Variants in HHIP observed in about 807,000 individuals in gnomAD.
The protein encoded by HHIP is hedgehog interacting protein, also known as hedgehog-interacting protein.
HHIP carries 12 observed loss-of-function variants against 74.0 expected under a neutral mutation model. The observed-to-expected ratio is 0.16, with a 90% CI of 0.10 to 0.26. The LOEUF (loss-of-function observed/expected upper bound fraction) is 0.26. Among genes scored for constraint, HHIP ranks in the 10% least tolerant of loss-of-function variants. HHIP has a pLI of 1.00. For missense variants in HHIP, 788 were observed against 845.0 expected, an observed-to-expected ratio of 0.93 and a Z score of 0.84; for synonymous variants, 309 against 311.6, an observed-to-expected ratio of 0.99 and a Z score of 0.09.
chr4:144,726,037 TAAAATC>T (rs1730796231), intron 11 of HHIP, among the ~76,000 whole-genome samples: 1 of 152,160 alleles, frequency 6.6e-6, no homozygotes, highest in African/African-American at 2.4e-5. Flanking sequence ...TAAAAATAGA[TAAAATC>T]AGAAAAAAAT....
intron 11 of HHIP, among the ~76,000 whole-genome samples, chr4:144,721,233 G>A (rs892591998): frequency 1.6e-4 from 24 of 152,152 alleles, no homozygotes; most frequent in Admixed American, 4.6e-4. Context: ...TGTCATAGAA[G>A]TTACATTCTT....
At chr4:144,716,854 GAA>G (rs869028218) in intron 10 of HHIP, among the ~76,000 whole-genome samples, 2,588 of 53,778 alleles carry the variant, frequency 0.048, no homozygotes, top group Non-Finnish European at 0.062. Flanking sequence ...CGTCTCAAAA[GAA>G]AAAAAAAAAA....
At position 144,708,231 on chromosome 4, in the gene HHIP, C is replaced by T. The variant is rs200328457; in HGVS notation, c.1221C>T (p.Ser407=). The change falls in exon 7 of 13, where the codon TCC becomes TCT. Residue 407 remains serine (S), a synonymous_variant. Transcript: ENST00000296575. ...VDTDMCNVPY[S]IPRSNPHFNS... ...CAGACATGTGCAACGTGCCTTATTC[C>T]ATACCAAGGAGCAACCCACACTTCA... The T allele has an allele frequency of 1.2e-6, 2 of 1,614,100 alleles. No individual in the cohort carries two copies. The highest frequency in any genetic ancestry group is 4.5e-5 in the East Asian group (2 of 44,874).
chr4:144,662,266 C>T (rs924781257), intron 4 of HHIP, among the ~76,000 whole-genome samples: 2 of 152,110 alleles, frequency 1.3e-5, no homozygotes, highest in Non-Finnish European at 2.9e-5. Context: ...AACTCTGATT[C>T]TTATAAGTGC....
intron 11 of HHIP, among the ~76,000 whole-genome samples, chr4:144,721,927 G>A (rs6854783): frequency 0.57 from 85,566 of 149,938 alleles, 24,705 homozygotes; most frequent in South Asian, 0.76. Context: ...AGCAACTTCC[G>A]AGGAAACAGA....
At chr4:144,726,603 T>A (rs1730813449) in intron 11 of HHIP, among the ~76,000 whole-genome samples, 1 of 152,234 alleles carries the variant, frequency 6.6e-6, no homozygotes, top group African/African-American at 2.4e-5. Context: ...TCAAGTCTGT[T>A]CTGCTACAGT....
chr4:144,735,623 C>T (rs1243062239), intron 12 of HHIP, among the ~76,000 whole-genome samples: 1 of 152,080 alleles, frequency 6.6e-6, no homozygotes, highest in Non-Finnish European at 1.5e-5. Flanking sequence ...TAATCAACAA[C>T]CAGCATATAC....
chr4:144,701,323 CT>C (rs56360210), intron 4 of HHIP, among the ~76,000 whole-genome samples: 117 of 144,312 alleles, frequency 8.1e-4, no homozygotes, highest in African/African-American at 1.7e-3. Context: ...CTGTTTTTTT[CT>C]TTTTTTTTTT....
intron 12 of HHIP, among the ~76,000 whole-genome samples, chr4:144,736,146 T>G (rs1420053615): frequency 6.7e-6 from 1 of 150,326 alleles, no homozygotes; most frequent in East Asian, 1.9e-4. Context: ...CTTTTTTTTT[T>G]TTTTTTTGAG....
rs1371101623 is a variant in HHIP, at chr4:144,743,554, T to C, written c.*5597T>C. On this transcript the variant is annotated 3_prime_UTR_variant, in exon 13 of 13. Transcript: ENST00000296575. ...TACATCATAAAGTCAGCCATCATCT[T>C]TCATTTAGGATTTCTTGGGGTTTTC... The C allele has an allele frequency of 6.6e-6, 1 of 152,104 alleles. No individual in the cohort carries two copies. The highest frequency in any genetic ancestry group is 1.5e-5 in the Non-Finnish European group (1 of 67,952). The allele number at this position is 152,104 out of a possible 1,614,324, so 9.4% of individuals were successfully genotyped here. A position where few individuals can be genotyped will look rare whatever the true frequency, so the allele number is the denominator to read the frequency against.
intron 10 of HHIP, among the ~76,000 whole-genome samples, chr4:144,717,049 T>C (rs1730474338): frequency 6.6e-6 from 1 of 152,080 alleles, no homozygotes; most frequent in Admixed American, 6.5e-5. Flanking sequence ...GTACACCTAA[T>C]ACTATTTAGA....
intron 4 of HHIP, among the ~76,000 whole-genome samples, chr4:144,665,701 A>G (rs79644812): frequency 0.036 from 5,508 of 152,286 alleles, 118 homozygotes; most frequent in Middle Eastern, 0.048. Context: ...TTCAATAAGT[A>G]TAAGTGTGCA....
In HHIP at chr4:144,716,999, T is replaced by C. The variant is rs1298275816; in HGVS notation, c.1678+1569T>C. Among the ~76,000 whole-genome samples the C allele has an allele frequency of 2.0e-5, 3 of 152,006 alleles. No homozygotes were observed. In the East Asian group the frequency reaches 5.8e-4, roughly 29 times the overall value. On this transcript the variant is annotated intron_variant, in intron 10 of 12. Transcript: ENST00000296575. ...AATGATTCATCATCACTCATTATGTTAACGTCACCACCATTAGGTAAAATA... is the reference window on the plus strand; with the variant it reads ...AATGATTCATCATCACTCATTATGTCAACGTCACCACCATTAGGTAAAATA...
intron 4 of HHIP, among the ~76,000 whole-genome samples, chr4:144,670,707 G>GAAAA (rs199920533): frequency 3.3e-5 from 1 of 30,308 alleles, no homozygotes; most frequent in South Asian, 7.9e-4. Context: ...ATTTCTTTAA[G>GAAAA]AAAAAAAAAA....
Position 144,725,859 on chromosome 4 carries a change from G to T in HHIP, c.1760+6903G>T, listed in dbSNP as rs113705451. Among the ~76,000 whole-genome samples the T allele has an allele frequency of 2.0e-3, 306 of 151,988 alleles. 2 individuals carry two copies. Among genetic ancestry groups the T allele is most frequent in the African/African-American group, 6.9e-3 (284 of 41,446 alleles). On this transcript the variant is annotated intron_variant, in intron 11 of 12. Transcript: ENST00000296575. ...AATTTTTTGTATTTTTTGTAGAGAC[G>T]GGGGTTTCACCATGTTGGCCAGGCT...
At chr4:144,712,636 C>T (rs951678195) in intron 8 of HHIP, among the ~76,000 whole-genome samples, 1 of 152,028 alleles carries the variant, frequency 6.6e-6, no homozygotes, top group Non-Finnish European at 1.5e-5. Flanking sequence ...TTAGAGAGAA[C>T]ATGTAAAAAT....
chr4:144,684,029 C>T (rs532011894), intron 4 of HHIP, among the ~76,000 whole-genome samples: 7 of 149,844 alleles, frequency 4.7e-5, no homozygotes, highest in Non-Finnish European at 5.9e-5. Context: ...CACCACTGCA[C>T]TCCAGCCTGA....
At chr4:144,669,805 A>T (rs1728980918) in intron 4 of HHIP, among the ~76,000 whole-genome samples, 1 of 151,520 alleles carries the variant, frequency 6.6e-6, no homozygotes, top group Non-Finnish European at 1.5e-5. Context: ...TTGTGGTAAG[A>T]GTTTTTTCAA....
At chr4:144,708,510 GA>G (rs1730209401) in intron 7 of HHIP, among the ~76,000 whole-genome samples, 199 bp downstream of exon 7, 1 of 152,226 alleles carries the variant, frequency 6.6e-6, no homozygotes, top group South Asian at 2.1e-4. Context: ...AGCAGATTGA[GA>G]AGGCAGATTA....
Sources: allele counts gnomAD v4.1 joint callset (sites outside exome capture counted in the v4.1 genomes callset), GRCh38; gene constraint gnomAD v4.1.1; transcripts MANE v1.5; gene names NCBI Gene and HGNC (gene_info 2026-07-23, HGNC 2026-07-21).